Variants in HTRA3 observed in about 807,000 individuals in gnomAD.
HTRA3 encodes the protein HtrA serine peptidase 3, also known as serine protease HTRA3.
Under a neutral mutation model 43.2 loss-of-function variants are expected in HTRA3, and 41 were observed. That is an observed-to-expected ratio of 0.95 (90% CI 0.74 to 1.23). HTRA3 has a LOEUF of 1.23. Among genes scored for constraint, HTRA3 ranks in the 50% most tolerant of loss-of-function variants. The pLI is 0.00. For synonymous variants in HTRA3, 295 were observed against 287.9 expected, an observed-to-expected ratio of 1.02 and a Z score of -0.25; for missense variants, 628 against 647.1, an observed-to-expected ratio of 0.97 and a Z score of 0.32.
rs1393516314 is a variant in HTRA3 at position 8,270,352 on chromosome 4, G to C, written c.384G>C (p.Leu128Phe). The C allele has an allele frequency of 7.1e-7, 1 of 1,406,490 alleles. No homozygotes were observed. The highest frequency in any genetic ancestry group is 9.2e-7 in the Non-Finnish European group (1 of 1,086,638). The allele number at this position is 1,406,490 out of a possible 1,614,324, so 87.1% of individuals were successfully genotyped here. The part of the protein sequence containing the change: ...VRQLQKGACP[L>F]GLHQLSSPRY... ...AGCTGCAGAAGGGCGCCTGCCCGTTGGGTAAGCGCTCGGGGGCCAGGGAGG... is the reference window on the plus strand; with the variant it reads ...AGCTGCAGAAGGGCGCCTGCCCGTTCGGTAAGCGCTCGGGGGCCAGGGAGG... Residue 128 changes from leucine (L) to phenylalanine (F), a missense_variant and splice_region_variant, in exon 1 of 9, where the codon TTG becomes TTC. Transcript: ENST00000307358.
Position 8,295,591 on chromosome 4 carries a change from G to A in HTRA3, c.1051+1390G>A, listed in dbSNP as rs1452349147. 7.5e-6 allele frequency: 6 copies of A among 800,838 alleles called. No homozygotes were observed. Among genetic ancestry groups the A allele is most frequent in the Non-Finnish European group, 1.0e-5 (6 of 573,420 alleles). The allele number at this position is 800,838 out of a possible 1,614,324, so 49.6% of individuals were successfully genotyped here. On this transcript the variant is annotated intron_variant, in intron 6 of 8. Coordinates refer to ENST00000307358, the MANE Select transcript of HTRA3 (RefSeq NM_053044.5). The surrounding 1 kb of genome is among the most constrained non-coding windows in gnomAD (Gnocchi z 6.9). ...CCCACCTTCTCTTCAGCCCTAGTGAGCTTCTCCCTCCTGCCATTGTGTCTC... is the reference window on the plus strand; with the variant it reads ...CCCACCTTCTCTTCAGCCCTAGTGAACTTCTCCCTCCTGCCATTGTGTCTC...
chr4:8,277,043 G>C (rs930767901), intron 1 of HTRA3, among the ~76,000 whole-genome samples: 1 of 152,244 alleles, frequency 6.6e-6, no homozygotes, highest in African/African-American at 2.4e-5. Context: ...GGGAGGCAGC[G>C]GGTTCCTCTG....
rs1713008296 is a variant in HTRA3, at chr4:8,286,876, C to A, written c.708+93C>A. 2.1e-6 allele frequency: 2 copies of A among 948,798 alleles called. No individual in the cohort carries two copies. Among genetic ancestry groups the A allele is most frequent in the Non-Finnish European group, 3.2e-6 (2 of 622,456 alleles). The allele number at this position is 948,798 out of a possible 1,614,324, so 58.8% of individuals were successfully genotyped here. On this transcript the variant is annotated intron_variant, in intron 3 of 8. Coordinates refer to ENST00000307358, the MANE Select transcript of HTRA3 (RefSeq NM_053044.5). This position sits in a 1 kb window ranked among gnomAD's most constrained non-coding sequence, Gnocchi z 4.9. Reference sequence around the variant, plus strand: ...GGAACCCAGAGGCAAGCTAGCCCCACCTTCCATCAGCCAGGGGGAGGAAAC... The same window carrying A: ...GGAACCCAGAGGCAAGCTAGCCCCAACTTCCATCAGCCAGGGGGAGGAAAC...
intron 2 of HTRA3, among the ~76,000 whole-genome samples, chr4:8,284,854 A>G (rs1465879967): frequency 1.3e-5 from 2 of 152,186 alleles, no homozygotes; most frequent in Non-Finnish European, 2.9e-5. Flanking sequence ...AGAGTTAGGG[A>G]CGACAGTAGT....
chr4:8,298,802 A>C (rs936908579), intron 6 of HTRA3, among the ~76,000 whole-genome samples: 3 of 152,190 alleles, frequency 2.0e-5, no homozygotes, highest in African/African-American at 4.8e-5. Context: ...CGTTGTCCAA[A>C]AGAGAATGAC....
intron 7 of HTRA3, 67 bp from the exon 8 acceptor site, chr4:8,304,117 G>A (rs1713752843): frequency 7.6e-7 from 1 of 1,315,920 alleles, no homozygotes; most frequent in Non-Finnish European, 1.1e-6. Context: ...GGGAGGGAGG[G>A]GCAGCTTCAT....
chr4:8,285,947 T>G (rs1401578132), intron 2 of HTRA3, among the ~76,000 whole-genome samples: 1 of 152,174 alleles, frequency 6.6e-6, no homozygotes, highest in Non-Finnish European at 1.5e-5. Flanking sequence ...CTCCCAGCAC[T>G]CACCCTGTCG....
At chr4:8,291,337 T>G (rs1008167028) in intron 3 of HTRA3, 33 bp from the exon 4 acceptor site, 6 of 1,591,598 alleles carry the variant, frequency 3.8e-6, no homozygotes, top group Non-Finnish European at 5.2e-6. Flanking sequence ...CGGCTAAGCC[T>G]CCCTCTCTGT....
At chr4:8,285,726 G>A (rs910815107) in intron 2 of HTRA3, among the ~76,000 whole-genome samples, 34 of 152,306 alleles carry the variant, frequency 2.2e-4, no homozygotes, top group Non-Finnish European at 2.6e-4. Context: ...GTTGCCCATC[G>A]GCAGACACCA....
chr4:8,280,614 G>A (rs908314673), intron 1 of HTRA3, among the ~76,000 whole-genome samples: 3 of 152,188 alleles, frequency 2.0e-5, no homozygotes, highest in Non-Finnish European at 4.4e-5. Context: ...GGAAGCAAAC[G>A]TGGGCAGAGA....
At position 8,286,412 on chromosome 4, in the gene HTRA3, G is replaced by A. The variant is rs1712968307; in HGVS notation, c.486-149G>A. 2.9e-6 allele frequency: 2 copies of A among 687,076 alleles called. No individual in the cohort carries two copies. Among genetic ancestry groups the A allele is most frequent in the Non-Finnish European group, 5.1e-6 (2 of 391,930 alleles). 42.6% of individuals were successfully genotyped at this position (687,076 alleles called of 1,614,324 possible). On this transcript the variant is annotated intron_variant, in intron 2 of 8. Coordinates refer to ENST00000307358, the MANE Select transcript of HTRA3 (RefSeq NM_053044.5). The surrounding 1 kb of genome is among the most constrained non-coding windows in gnomAD (Gnocchi z 4.9). ...TGACTTGGCCAGGTCACAGGGCCAG[G>A]ATTCAAATGGGAGCTTGAGGGACTC... is the stretch of plus-strand genomic sequence containing the variant.
chr4:8,295,697 C>T lies in HTRA3; in HGVS notation c.1051+1496C>T. 7.0e-7 allele frequency: 1 copy of T among 1,420,280 alleles called. No individual in the cohort carries two copies. Among genetic ancestry groups the T allele is most frequent in the Non-Finnish European group, 9.2e-7 (1 of 1,085,170 alleles). The allele number at this position is 1,420,280 out of a possible 1,614,324, so 88.0% of individuals were successfully genotyped here. A position where few individuals can be genotyped will look rare whatever the true frequency, so the allele number is the denominator to read the frequency against. ...ATTGCTTTGCTGTCTCCTCCCAGCC[C>T]CCTCACTGGCAGTTCATTGAGAGCA... On this transcript the variant is annotated intron_variant, in intron 6 of 8. Transcript: ENST00000307358. The surrounding 1 kb of genome is among the most constrained non-coding windows in gnomAD (Gnocchi z 6.9).
chr4:8,289,710 A>T (rs764115522), intron 3 of HTRA3, among the ~76,000 whole-genome samples: 1 of 152,162 alleles, frequency 6.6e-6, no homozygotes, highest in Admixed American at 6.5e-5. Context: ...GAGCCATGGG[A>T]AAGGCTCCTG....
At chr4:8,291,831 A>G (rs192645585) in intron 4 of HTRA3, among the ~76,000 whole-genome samples, 96 of 152,328 alleles carry the variant, frequency 6.3e-4, no homozygotes, top group African/African-American at 2.3e-3. Context: ...ACAGCCCGCA[A>G]ACACCTTTGC....
chr4:8,275,184 C>A (rs34276401), intron 1 of HTRA3, among the ~76,000 whole-genome samples: 1 of 152,238 alleles, frequency 6.6e-6, no homozygotes, highest in Admixed American at 6.5e-5. Flanking sequence ...GAGACCAGGG[C>A]GCTGTGCAGC....
At chr4:8,285,221 G>T (rs1244666274) in intron 2 of HTRA3, among the ~76,000 whole-genome samples, 1 of 152,148 alleles carries the variant, frequency 6.6e-6, no homozygotes. Flanking sequence ...TCCAAATAAA[G>T]TCACATTCAC....
intron 1 of HTRA3, among the ~76,000 whole-genome samples, chr4:8,272,509 A>T (rs1712326456): frequency 6.6e-6 from 1 of 152,200 alleles, no homozygotes; most frequent in Admixed American, 6.5e-5. Flanking sequence ...GTTTCCTCAA[A>T]TGAGAAGCGG....
intron 3 of HTRA3, among the ~76,000 whole-genome samples, chr4:8,291,002 A>G (rs1486477464): frequency 6.6e-6 from 1 of 152,184 alleles, no homozygotes; most frequent in East Asian, 1.9e-4. Context: ...ATGGTGTAGT[A>G]GTTTTTACCA....
intron 3 of HTRA3, 145 bp from the exon 4 acceptor site, chr4:8,291,225 A>G (rs1289380145): frequency 1.4e-6 from 1 of 705,772 alleles, no homozygotes; most frequent in East Asian, 2.6e-5. Context: ...TGCACTGGTG[A>G]CCTGCCTGAG....
Sources: gnomAD v4.1 joint callset for allele counts (sites outside exome capture counted in the v4.1 genomes callset) on GRCh38, gnomAD v4.1.1 for gene constraint, Gnocchi (gnomAD v3.1) non-coding constraint, MANE v1.5 for transcripts, NCBI Gene and HGNC (gene_info 2026-07-23, HGNC 2026-07-21) for gene names.